RTN4: variants seen among roughly 807,000 people sequenced by gnomAD.
RTN4 encodes reticulon-4.
In RTN4, 32 loss-of-function variants were observed where a neutral mutation model predicts 90.4. The observed-to-expected ratio is 0.35, with a 90% CI of 0.27 to 0.48. RTN4 has a LOEUF of 0.48. Ranked by LOEUF, RTN4 falls within the 20% of genes least tolerant of loss-of-function variation. RTN4 has a pLI of 0.99. For missense variants in RTN4, 1,706 were observed against 1,430.2 expected (o/e 1.19, Z -3.11); for synonymous variants, 629 against 552.5 (o/e 1.14, Z -1.94).
chr2:54,994,494 C>A (rs1161455624), intron 3 of RTN4, among the ~76,000 whole-genome samples: 1 of 152,196 alleles, frequency 6.6e-6, no homozygotes, highest in African/African-American at 2.4e-5. Flanking sequence ...ATCATCCCAA[C>A]AGATGCAGAA....
At chr2:55,074,431 A>G (rs1309117178) in intron 2 of RTN4, among the ~76,000 whole-genome samples, 1 of 145,378 alleles carries the variant, frequency 6.9e-6, no homozygotes, top group Non-Finnish European at 1.5e-5. Flanking sequence ...TGAGCCCTGG[A>G]GGTTGAGGCT....
chr2:55,032,320 C>A (rs1341441787), intron 1 of RTN4, among the ~76,000 whole-genome samples: 1 of 152,168 alleles, frequency 6.6e-6, no homozygotes, highest in Non-Finnish European at 1.5e-5. Context: ...CTCAAGTGAT[C>A]CGCCAGCCTC....
intron 3 of RTN4, 102 bp downstream of exon 3, chr2:55,024,984 T>C (rs1573409822): frequency 1.9e-5 from 26 of 1,351,664 alleles, no homozygotes; most frequent in Non-Finnish European, 2.6e-5. Flanking sequence ...CAATGTGACA[T>C]ATGAGACACT....
At chr2:55,001,596 A>T (rs1679854775) in intron 3 of RTN4, among the ~76,000 whole-genome samples, 1 of 152,214 alleles carries the variant, frequency 6.6e-6, no homozygotes, top group Non-Finnish European at 1.5e-5. Context: ...TGTCAGATAA[A>T]ACCACCCAAA....
chr2:55,014,470 T>A (rs897805247), intron 3 of RTN4: 3 of 152,168 alleles, frequency 2.0e-5, no homozygotes, highest in Non-Finnish European at 4.4e-5. Flanking sequence ...GCAGGGGCTA[T>A]GCTAATCTTC....
At chr2:55,091,521 C>G (rs1307333661) in intron 1 of RTN4, among the ~76,000 whole-genome samples, 1 of 152,122 alleles carries the variant, frequency 6.6e-6, no homozygotes, top group African/African-American at 2.4e-5. Flanking sequence ...TTTCATCTTC[C>G]TGTCCTCATT....
intron 3 of RTN4, chr2:55,009,951 C>T (rs994912151): frequency 8.9e-6 from 8 of 897,250 alleles, no homozygotes; most frequent in Non-Finnish European, 1.2e-5. Flanking sequence ...GTGAGATAGC[C>T]GTTTTAATCC....
At chr2:55,061,799 C>T (rs527426532) in intron 2 of RTN4, among the ~76,000 whole-genome samples, 1 of 152,148 alleles carries the variant, frequency 6.6e-6, no homozygotes, top group Non-Finnish European at 1.5e-5. Flanking sequence ...AGGGCTCCAC[C>T]CCCGGTCCTG....
intron 2 of RTN4, among the ~76,000 whole-genome samples, chr2:55,060,936 C>G (rs976542572): frequency 6.6e-6 from 1 of 152,130 alleles, no homozygotes; most frequent in Admixed American, 6.6e-5. Flanking sequence ...AAGAAGACTT[C>G]TTGTTGGCCC....
rs911443177 is a variant in RTN4, at chr2:55,025,232, G to GAAA, written c.2864_2866dup (p.Val955_Ser956insPhe). ...TATCTCTGCTTGAGTGGCCAAAGCA[G>GAAA]AAACATCTGGAGGCAATAAGAGCAC... On this transcript the variant is annotated inframe_insertion, in exon 3 of 9. Transcript: ENST00000337526. The GAAA allele has an allele frequency of 6.8e-6, 11 of 1,613,720 alleles. No individual in the cohort carries two copies.
intron 3 of RTN4, among the ~76,000 whole-genome samples, chr2:54,995,745 C>T (rs1036298537): frequency 3.3e-5 from 5 of 152,192 alleles, no homozygotes; most frequent in African/African-American, 7.2e-5. Context: ...TATGAGACAA[C>T]TGATACACAC....
chr2:54,993,027 T>A (rs1256747422), intron 3 of RTN4, among the ~76,000 whole-genome samples: 1 of 144,978 alleles, frequency 6.9e-6, no homozygotes, highest in South Asian at 2.1e-4. Flanking sequence ...TGAGCCGAGA[T>A]TGCGCCACTG....
At chr2:55,090,302 C>G (rs1455345402) in intron 1 of RTN4, among the ~76,000 whole-genome samples, 1 of 152,156 alleles carries the variant, frequency 6.6e-6, no homozygotes. Context: ...ACCCAATATT[C>G]CACTTAATAT....
rs746087710 is a variant in RTN4 at position 55,027,298 on chromosome 2, T to A, written c.801A>T (p.Glu267Asp). Residue 267 changes from glutamate (E) to aspartate (D), a missense_variant, in exon 3 of 9, where the codon GAA becomes GAT. By Grantham distance (45) the Glu-to-Asp change is conservative. Transcript: ENST00000337526. ...TVLPTEGTLQENVSEASKEVS... is the reference protein window; with the variant it reads ...TVLPTEGTLQDNVSEASKEVS... ...CCTCTTTAGAAGCTTCACTGACATTTTCTTGAAGTGTTCCTTCAGTGGGTA... is the reference window on the plus strand; with the variant it reads ...CCTCTTTAGAAGCTTCACTGACATTATCTTGAAGTGTTCCTTCAGTGGGTA... 6.2e-7 allele frequency: 1 copy of A among 1,613,712 alleles called. No homozygotes were observed. Among genetic ancestry groups the A allele is most frequent in the East Asian group, 2.2e-5 (1 of 44,870 alleles).
intron 2 of RTN4, among the ~76,000 whole-genome samples, chr2:55,068,566 G>A (rs1021079171): frequency 1.3e-5 from 2 of 151,080 alleles, no homozygotes; most frequent in African/African-American, 4.9e-5. Flanking sequence ...CAAAATGACA[G>A]GTTTACTTCA....
At chr2:54,995,869 A>T (rs1436666725) in intron 3 of RTN4, among the ~76,000 whole-genome samples, 1 of 152,192 alleles carries the variant, frequency 6.6e-6, no homozygotes, top group Non-Finnish European at 1.5e-5. Flanking sequence ...CAGTGGCCCC[A>T]GCAAGGAATT....
At chr2:55,129,662 A>G in the RTN4 span, among the ~76,000 whole-genome samples, 1 of 152,192 alleles carries the variant, frequency 6.6e-6, no homozygotes, top group African/African-American at 2.4e-5. Context: ...CCCGGGCTCA[A>G]GCAATTCTCC....
chr2:55,037,201 G>T (rs1053553466), intron 1 of RTN4, among the ~76,000 whole-genome samples: 1 of 152,118 alleles, frequency 6.6e-6, no homozygotes, highest in Non-Finnish European at 1.5e-5. Context: ...CTGCTATACT[G>T]AAACACACTG....
chr2:55,023,814 T>C (rs1681622838), intron 3 of RTN4, among the ~76,000 whole-genome samples: 1 of 152,150 alleles, frequency 6.6e-6, no homozygotes, highest in South Asian at 2.1e-4. Flanking sequence ...TTTGCCGCTG[T>C]CATGACAATA....
Sources: allele counts gnomAD v4.1 joint callset (sites outside exome capture counted in the v4.1 genomes callset), GRCh38; gene constraint gnomAD v4.1.1; transcripts MANE v1.5; gene names NCBI Gene and HGNC (gene_info 2026-07-23, HGNC 2026-07-21).